Variants in PPP2R2C observed in about 807,000 individuals in gnomAD.
The protein encoded by PPP2R2C is protein phosphatase 2, regulatory subunit B, gamma.
PPP2R2C carries 10 observed loss-of-function variants against 45.3 expected under a neutral mutation model. That is an observed-to-expected ratio of 0.22 (90% confidence interval 0.14 to 0.37). The LOEUF (loss-of-function observed/expected upper bound fraction) is 0.37, where lower values mean the gene tolerates loss of function less well. Among genes scored for constraint, PPP2R2C ranks in the 10% least tolerant of loss-of-function variants. PPP2R2C has a pLI of 1.00. For synonymous variants in PPP2R2C, 257 were observed against 245.4 expected (o/e 1.05, Z -0.44); for missense variants, 308 against 619.7 (o/e 0.50, Z 5.34).
intron 2 of PPP2R2C, among the ~76,000 whole-genome samples, 161 bp downstream of exon 2, chr4:6,380,836 G>A (rs1715724109): frequency 6.6e-6 from 1 of 151,982 alleles, no homozygotes; most frequent in African/African-American, 2.4e-5. Flanking sequence ...CACACCTCCT[G>A]TCAGTTAAAA....
At chr4:6,393,314 T>A (rs977433410) in intron 1 of PPP2R2C, among the ~76,000 whole-genome samples, 2 of 152,326 alleles carry the variant, frequency 1.3e-5, no homozygotes, top group Admixed American at 6.5e-5. Flanking sequence ...ACTCTGGATA[T>A]TTTGCATAAA....
At chr4:6,428,931 A>G (rs1270635900) in intron 1 of PPP2R2C, among the ~76,000 whole-genome samples, 1 of 152,204 alleles carries the variant, frequency 6.6e-6, no homozygotes, top group African/African-American at 2.4e-5. Context: ...AGGCGATCTA[A>G]ACTTGTGCCA....
rs545351557 is a variant in PPP2R2C, at chr4:6,547,113, G to C, written c.-58-11736C>G. On this transcript the variant is annotated intron_variant, in intron 1 of 9. Transcript: ENST00000506140. ...CATTTACTCATCTTCAAAACATGCAGTCACTCAGATTCGGCGATTATCAAG... is the reference window on the plus strand; with the variant it reads ...CATTTACTCATCTTCAAAACATGCACTCACTCAGATTCGGCGATTATCAAG... 2.1e-4 allele frequency among the ~76,000 whole-genome samples: 32 copies of C among 152,306 alleles called. No homozygotes were observed. In the South Asian group the frequency reaches 5.2e-3, roughly 25 times the overall value.
chr4:6,402,772 G>C (rs903277542), intron 1 of PPP2R2C, among the ~76,000 whole-genome samples: 1 of 152,220 alleles, frequency 6.6e-6, no homozygotes, highest in Non-Finnish European at 1.5e-5. Flanking sequence ...TAACCTGAAG[G>C]GTCAGAAAGA....
intron 1 of PPP2R2C, among the ~76,000 whole-genome samples, chr4:6,446,557 G>A (rs1452175056): frequency 6.6e-6 from 1 of 152,148 alleles, no homozygotes. Context: ...TTTCACACGG[G>A]AAAGCCCAGG....
At chr4:6,554,011 G>A (rs1425262828) in intron 1 of PPP2R2C, among the ~76,000 whole-genome samples, 3 of 152,120 alleles carry the variant, frequency 2.0e-5, no homozygotes, top group Non-Finnish European at 4.4e-5. Context: ...AACACACCAC[G>A]CCTAATGAAC....
intron 1 of PPP2R2C, among the ~76,000 whole-genome samples, chr4:6,445,739 T>C (rs1720385236): frequency 6.6e-6 from 1 of 152,182 alleles, no homozygotes; most frequent in Non-Finnish European, 1.5e-5. Flanking sequence ...AATAAATAAA[T>C]GGAGTTTCAA....
intron 1 of PPP2R2C, among the ~76,000 whole-genome samples, chr4:6,538,336 C>T (rs1372684784): frequency 1.3e-5 from 2 of 152,100 alleles, no homozygotes; most frequent in East Asian, 3.9e-4. Flanking sequence ...GTACAGATAT[C>T]GGCATGGAGA....
chr4:6,434,276 T>C (rs1264611388), intron 1 of PPP2R2C, among the ~76,000 whole-genome samples: 2 of 152,192 alleles, frequency 1.3e-5, no homozygotes, highest in African/African-American at 4.8e-5. Flanking sequence ...ATTACAGATA[T>C]TTCCATTCTT....
chr4:6,322,602 G>A lies in PPP2R2C; in HGVS notation c.*700C>T, dbSNP rs1272402963. 6.6e-6 allele frequency: 1 copy of A among 152,250 alleles called. No individual in the cohort carries two copies. Among genetic ancestry groups the A allele is most frequent in the Non-Finnish European group, 1.5e-5 (1 of 68,110 alleles). The allele number at this position is 152,250 out of a possible 1,614,324, so 9.4% of individuals were successfully genotyped here. A position where few individuals can be genotyped will look rare whatever the true frequency, so the allele number is the denominator to read the frequency against. On this transcript the variant is annotated 3_prime_UTR_variant, in exon 9 of 9. Coordinates refer to ENST00000382599, the MANE Select transcript of PPP2R2C (RefSeq NM_020416.4). The surrounding 1 kb of genome is among the most constrained non-coding windows in gnomAD (Gnocchi z 7.8). The stretch of plus-strand genomic sequence containing the variant: ...GCAAATGGCAGGTGAATCAGATGAG[G>A]ACACAGGCACACAGAAGACAAACCC...
chr4:6,518,922 T>TTAAAAAAAAA (rs1354788203), intron 2 of PPP2R2C, among the ~76,000 whole-genome samples: 4 of 92,902 alleles, frequency 4.3e-5, no homozygotes, highest in African/African-American at 1.9e-4. Flanking sequence ...GACTCTGTCT[T>TTAAAAAAAAA]AAAAAAAAAA....
rs75623850 is a variant in PPP2R2C, at chr4:6,409,410, G to A, written c.71-28316C>T. 3.4e-3 allele frequency among the ~76,000 whole-genome samples: 524 copies of A among 152,210 alleles called. 5 individuals carry two copies. The highest frequency in any genetic ancestry group is 0.012 in the African/African-American group (481 of 41,520). Reference sequence around the variant, plus strand: ...GGTGTCAGTGAGCTTCCTGGAAGACGGGCCAGTGGTGCCAGGCACCAGGCC... The same window carrying A: ...GGTGTCAGTGAGCTTCCTGGAAGACAGGCCAGTGGTGCCAGGCACCAGGCC... On this transcript the variant is annotated intron_variant, in intron 1 of 8. Coordinates refer to ENST00000382599, the MANE Select transcript of PPP2R2C (RefSeq NM_020416.4).
At chr4:6,552,576 C>T (rs1424794972) in intron 1 of PPP2R2C, among the ~76,000 whole-genome samples, 1 of 152,004 alleles carries the variant, frequency 6.6e-6, no homozygotes, top group East Asian at 1.9e-4. Context: ...ATCCCATCTC[C>T]TTCTCTGATT....
At chr4:6,547,201 G>A (rs1725013957) in intron 1 of PPP2R2C, among the ~76,000 whole-genome samples, 2 of 151,998 alleles carry the variant, frequency 1.3e-5, no homozygotes, top group African/African-American at 4.8e-5. Flanking sequence ...CTTCACTGGA[G>A]ATTTTAAAGT....
At chr4:6,335,824 A>G (rs35501997) in intron 6 of PPP2R2C, among the ~76,000 whole-genome samples, 11,999 of 152,082 alleles carry the variant, frequency 0.079, 673 homozygotes, top group Non-Finnish European at 0.12. Context: ...TATCCCCCCA[A>G]ATCAGAGCAG....
intron 2 of PPP2R2C, among the ~76,000 whole-genome samples, chr4:6,522,018 C>T (rs1724041890): frequency 6.6e-6 from 1 of 152,120 alleles, no homozygotes; most frequent in African/African-American, 2.4e-5. Context: ...CAAGTGGGGG[C>T]CACTGAGCTC....
At chr4:6,560,181 C>T (rs548949641) in intron 1 of PPP2R2C, among the ~76,000 whole-genome samples, 19 of 152,284 alleles carry the variant, frequency 1.2e-4, no homozygotes, top group South Asian at 6.2e-4. Flanking sequence ...CATGCAAGAC[C>T]CATGCAAGAC....
chr4:6,548,112 G>A (rs577551116), intron 1 of PPP2R2C, among the ~76,000 whole-genome samples: 21 of 152,196 alleles, frequency 1.4e-4, no homozygotes, highest in African/African-American at 2.6e-4. Flanking sequence ...CAGCTACTCC[G>A]GAGGCTGAGG....
At chr4:6,389,718 C>T (rs377106341) in intron 1 of PPP2R2C, among the ~76,000 whole-genome samples, 81 of 152,310 alleles carry the variant, frequency 5.3e-4, no homozygotes, top group African/African-American at 1.9e-3. Context: ...CCAGCTTTAG[C>T]ATTTTACACC....
Sources: gnomAD v4.1 joint callset for allele counts (sites outside exome capture counted in the v4.1 genomes callset) on GRCh38, gnomAD v4.1.1 for gene constraint, Gnocchi (gnomAD v3.1) non-coding constraint, MANE v1.5 for transcripts, NCBI Gene and HGNC (gene_info 2026-07-23, HGNC 2026-07-21) for gene names.